Variants in C1QBP observed in about 807,000 individuals in gnomAD.
C1QBP encodes complement C1q binding protein.
Under a neutral mutation model 29.4 loss-of-function variants are expected in C1QBP, and 24 were observed. The observed-to-expected ratio is 0.82, with a 90% CI of 0.59 to 1.15. C1QBP has a LOEUF of 1.15. Among genes scored for constraint, C1QBP ranks in the 50% most tolerant of loss-of-function variants. The pLI is 0.00. For synonymous variants in C1QBP, 182 were observed against 149.2 expected (o/e 1.22, Z -1.60); for missense variants, 337 against 355.8 (o/e 0.95, Z 0.43).
chr17:5,433,836 T>A (rs946169210), intron 3 of C1QBP, 69 bp from the exon 4 acceptor site: 47 of 1,357,392 alleles, frequency 3.5e-5, no homozygotes, highest in Non-Finnish European at 4.9e-5. Flanking sequence ...AGGATCTCTG[T>A]TCAGAGTGTC....
At chr17:5,436,860 A>T (rs867939908) in intron 2 of C1QBP, among the ~76,000 whole-genome samples, 1 of 152,178 alleles carries the variant, frequency 6.6e-6, no homozygotes, top group African/African-American at 2.4e-5. Context: ...TCTACTAAAA[A>T]TACAAAAATT....
rs1052892904 is a variant in C1QBP, at chr17:5,438,856, G to C, written c.218C>G (p.Ser73Trp). 6.5e-7 allele frequency: 1 copy of C among 1,546,144 alleles called. No individual in the cohort carries two copies. The highest frequency in any genetic ancestry group is 2.0e-5 in the Admixed American group (1 of 50,924). ...CTAAACCTCACCGTCGGTGTGCAGC[G>C]AGCCGCAGCCACAGCCACAGGCGCA... ...GPCACGCGCG[S>W]LHTDGDKAFV... Residue 73 changes from serine to tryptophan, a missense_variant, in exon 1 of 6, where the codon TCG becomes TGG. By Grantham distance (177) the Ser-to-Trp change is radical. Transcript: ENST00000225698.
At position 5,432,938 on chromosome 17, in the gene C1QBP, CAT is replaced by C. The variant is rs1398797757; in HGVS notation, c.*75_*76del. Reference sequence around the variant, plus strand: ...TTAGGATGATAATCATTTCAAAGCACATGTCTAGCTTCAGAGTAGGATTTGTT... The same window carrying C: ...TTAGGATGATAATCATTTCAAAGCACGTCTAGCTTCAGAGTAGGATTTGTT... On this transcript the variant is annotated 3_prime_UTR_variant, in exon 6 of 6. Coordinates refer to ENST00000225698, the MANE Select transcript of C1QBP (RefSeq NM_001212.4). 2.0e-6 allele frequency: 3 copies of C among 1,476,484 alleles called. No homozygotes were observed. Among genetic ancestry groups the C allele is most frequent in the Non-Finnish European group, 2.7e-6 (3 of 1,096,446 alleles). 91.5% of individuals were successfully genotyped at this position (1,476,484 alleles called of 1,614,324 possible).
Position 5,433,274 on chromosome 17 carries a change from C to G in C1QBP, c.699+19G>C, listed in dbSNP as rs7220640. The G allele has an allele frequency of 5.0e-6, 8 of 1,613,970 alleles. No homozygotes were observed. The East Asian group carries it at 1.1e-4, about 22-fold the overall frequency. On this transcript the variant is annotated intron_variant, in intron 5 of 5. Transcript: ENST00000225698. The stretch of plus-strand genomic sequence containing the variant: ...CCTTCCAAGGCCCAAAAGGTTCCCC[C>G]ACCTTATCAAGCACTCACCCAGTCC...
intron 3 of C1QBP, chr17:5,434,068 A>G (rs1916188062): frequency 2.7e-6 from 1 of 373,352 alleles, no homozygotes. Flanking sequence ...CCACCCGTAC[A>G]CTGCAAAGCT....
chr17:5,439,148 C>G lies in C1QBP; in HGVS notation c.-75G>C, dbSNP rs547355784. On this transcript the variant is annotated 5_prime_UTR_variant, in exon 1 of 6. Transcript: ENST00000225698. ...AGGCGCCCCGCGACCTGAGGCGCCG[C>G]CGGAAGCCCCGCCCCTGCCCGGAAG... The G allele has an allele frequency of 7.5e-5, 114 of 1,517,810 alleles. No homozygotes were observed. In the African/African-American group the frequency reaches 1.5e-3, roughly 20 times the overall value. 94.0% of individuals were successfully genotyped at this position (1,517,810 alleles called of 1,614,324 possible).
Position 5,438,983 on chromosome 17 carries a change from G to C in C1QBP, c.91C>G (p.Leu31Val). 1 of 1,502,856 alleles carries C rather than the reference G, an allele frequency of 6.7e-7. No individual in the cohort carries two copies. Among genetic ancestry groups the C allele is most frequent in the Non-Finnish European group, 8.9e-7 (1 of 1,128,392 alleles). 93.1% of individuals were successfully genotyped at this position (1,502,856 alleles called of 1,614,324 possible). A position where few individuals can be genotyped will look rare whatever the true frequency, so the allele number is the denominator to read the frequency against. Residue 31 changes from leucine to valine, a missense_variant, in exon 1 of 6, where the codon CTC (leucine) becomes GTC (valine). By Grantham distance (32) the Leu-to-Val change is conservative. Coordinates refer to ENST00000225698, the MANE Select transcript of C1QBP (RefSeq NM_001212.4). ...AAAPASPFRQ[L>V]LQPAPRLCTR... ...CACAGCCGGGGTGCCGGCTGCAGGA[G>C]CTGCCGGAAAGGCGAGGCGGGCGCG... is the stretch of plus-strand genomic sequence containing the variant.
intron 1 of C1QBP, 144 bp from the exon 2 acceptor site, chr17:5,438,417 G>A: frequency 9.2e-7 from 1 of 1,082,096 alleles, no homozygotes; most frequent in Non-Finnish European, 1.3e-6. Context: ...TTTCCTTATC[G>A]GTAAAAATAC....
rs1189807114 is a variant in C1QBP, at chr17:5,439,008, G to A, written c.66C>T (p.Ala22=). ...GCTGCCGGAAAGGCGAGGCGGGCGC[G>A]GCAGCGCGGAGGCCGGCGACGGAGG... is the stretch of plus-strand genomic sequence containing the variant. The part of the protein sequence containing the change: ...LGSSVAGLRA[A]APASPFRQLL... The change falls in exon 1 of 6, where the codon GCC becomes GCT. Residue 22 remains alanine (A), a synonymous_variant. Transcript: ENST00000225698. 6 of 1,489,274 alleles carry A rather than the reference G, an allele frequency of 4.0e-6. No individual in the cohort carries two copies. The African/African-American group carries it at 7.3e-5, about 18-fold the overall frequency. 92.3% of individuals were successfully genotyped at this position (1,489,274 alleles called of 1,614,324 possible). A position where few individuals can be genotyped will look rare whatever the true frequency, so the allele number is the denominator to read the frequency against.
Position 5,433,177 on chromosome 17 carries a change from A to G in C1QBP, c.700-13T>C, listed in dbSNP as rs561874261. The G allele has an allele frequency of 5.0e-6, 8 of 1,609,516 alleles. No individual in the cohort carries two copies. In the South Asian group the frequency reaches 6.7e-5, roughly 13 times the overall value. ...GGTCATATAAGGCCTGCAAAGAACA[A>G]TATTTACTAGTTAAAAAAAAATCTG... On this transcript the variant is annotated splice_polypyrimidine_tract_variant and intron_variant, in intron 5 of 5. Transcript: ENST00000225698.
At chr17:5,436,607 G>A (rs750980286) in intron 2 of C1QBP, among the ~76,000 whole-genome samples, 1 of 151,652 alleles carries the variant, frequency 6.6e-6, no homozygotes, top group African/African-American at 2.4e-5. Flanking sequence ...TTTTGTGTCA[G>A]AGGACATTAC....
At chr17:5,435,069 G>A (rs776260550) in intron 2 of C1QBP, 103 bp from the exon 3 acceptor site, 55 of 1,021,898 alleles carry the variant, frequency 5.4e-5, no homozygotes, top group African/African-American at 4.3e-4. Flanking sequence ...TTAAAAAGGC[G>A]TATTGAAACA....
rs192610985 is a variant in C1QBP, at chr17:5,436,794, C to T, written c.383+1329G>A. ...CAGCACTTTGGGAGGCCAAGGCGGG[C>T]GGATCACGAGGTCAGGACTTTGAGA... On this transcript the variant is annotated intron_variant, in intron 2 of 5. Transcript: ENST00000225698. Among the ~76,000 whole-genome samples, 250 of 152,204 alleles carry T rather than the reference C, an allele frequency of 1.6e-3. 1 individual carries two copies. The highest frequency in any genetic ancestry group is 5.4e-3 in the African/African-American group (226 of 41,508).
In C1QBP at chr17:5,433,018, C is replaced by G; in HGVS notation, c.846G>C (p.Gln282His). 1 of 1,612,150 alleles carries G rather than the reference C, an allele frequency of 6.2e-7. No homozygotes were observed. The highest frequency in any genetic ancestry group is 8.5e-7 in the Non-Finnish European group (1 of 1,179,458). The change falls in exon 6 of 6, where the codon CAG becomes CAC. Residue 282 changes from glutamine (Q) to histidine (H), a missense_variant. Physicochemically the swap from Gln to His is conservative, Grantham distance 24. Transcript: ENST00000225698. ...TGGCTTTCAGCATCTGTCTGCTCTA[C>G]TGGCTCTTGACAAAACTCTTGAGGT... ...LEDLKSFVKS[Q>H]
Position 5,439,062 on chromosome 17 carries a change from C to A in C1QBP, c.12G>T (p.Leu4=). The change falls in exon 1 of 6, where the codon CTG becomes CTT. Residue 4 remains leucine (L), a synonymous_variant. Transcript: ENST00000225698. MLP[L]LRCVPRVLGS... ...CCAGCACACGGGGCACGCAGCGCAG[C>A]AGAGGCAGCATCGCGGAAACGACTG... 1 of 1,539,108 alleles carries A rather than the reference C, an allele frequency of 6.5e-7. No homozygotes were observed. Among genetic ancestry groups the A allele is most frequent in the South Asian group, 1.2e-5 (1 of 83,846 alleles).
intron 1 of C1QBP, 112 bp downstream of exon 1, chr17:5,438,730 C>T (rs1020696853): frequency 6.5e-7 from 1 of 1,539,518 alleles, no homozygotes; most frequent in Non-Finnish European, 8.8e-7. Context: ...CCGCTGGTTG[C>T]CAATCAATGG....
rs1173459073 is a variant in C1QBP, at chr17:5,438,564, AACC to A, written c.232+275_232+277del. On this transcript the variant is annotated intron_variant, in intron 1 of 5. Coordinates refer to ENST00000225698, the MANE Select transcript of C1QBP (RefSeq NM_001212.4). ...CAAACGATATAACTATGCTATTTTC[AACC>A]ACGACCATGGGCCTTCCCAAAGGTC... 24 of 732,848 alleles carry A rather than the reference AACC, an allele frequency of 3.3e-5. No individual in the cohort carries two copies. In the African/African-American group the frequency reaches 3.9e-4, roughly 12 times the overall value. The allele number at this position is 732,848 out of a possible 1,614,324, so 45.4% of individuals were successfully genotyped here.
chr17:5,432,794 ATT>A lies in C1QBP; in HGVS notation c.*219_*220del. 1.2e-6 allele frequency: 1 copy of A among 800,246 alleles called. No homozygotes were observed. The highest frequency in any genetic ancestry group is 1.7e-5 in the African/African-American group (1 of 57,618). 49.6% of individuals were successfully genotyped at this position (800,246 alleles called of 1,614,324 possible). A position where few individuals can be genotyped will look rare whatever the true frequency, so the allele number is the denominator to read the frequency against. On this transcript the variant is annotated 3_prime_UTR_variant, in exon 6 of 6. Transcript: ENST00000225698. ...AAACTGCCTTGGAGGAGATAAACCA[ATT>A]TTATGTCTATCATGTTATACAAAAA... is the stretch of plus-strand genomic sequence containing the variant.
In C1QBP at chr17:5,438,025, A is replaced by T. The variant is rs746787337; in HGVS notation, c.383+98T>A. On this transcript the variant is annotated intron_variant, in intron 2 of 5. Coordinates refer to ENST00000225698, the MANE Select transcript of C1QBP (RefSeq NM_001212.4). ...TCTCTTGAAACCCATTTATCAAAGT[A>T]TCCACACCTGAACTCAAGGCTCTTC... 2.4e-5 allele frequency: 35 copies of T among 1,453,568 alleles called. No individual in the cohort carries two copies. In the South Asian group the frequency reaches 4.9e-4, roughly 21 times the overall value. The allele number at this position is 1,453,568 out of a possible 1,614,324, so 90.0% of individuals were successfully genotyped here.
Sources: gnomAD v4.1 joint callset for allele counts (sites outside exome capture counted in the v4.1 genomes callset) on GRCh38, gnomAD v4.1.1 for gene constraint, MANE v1.5 for transcripts, NCBI Gene and HGNC (gene_info 2026-07-23, HGNC 2026-07-21) for gene names.